Variants in CNTN4 observed in about 807,000 individuals in gnomAD.
CNTN4 encodes contactin 4.
CNTN4 carries 77 observed loss-of-function variants against 122.5 expected under a neutral mutation model. The observed-to-expected ratio is 0.63, with a 90% confidence interval of 0.52 to 0.76. CNTN4 has a LOEUF of 0.76. Among genes scored for constraint, CNTN4 ranks in the 30% least tolerant of loss-of-function variants. The pLI is 0.00. For synonymous variants in CNTN4, 512 were observed against 447.0 expected, an observed-to-expected ratio of 1.15 and a Z score of -1.83; for missense variants, 1,256 against 1,259.1, an observed-to-expected ratio of 1.00 and a Z score of 0.04.
At chr3:2,708,222 A>G (rs1478299984) in intron 4 of CNTN4, among the ~76,000 whole-genome samples, 1 of 152,206 alleles carries the variant, frequency 6.6e-6, no homozygotes, top group Non-Finnish European at 1.5e-5. Context: ...GTTAAAATAT[A>G]TAATTCTGAG....
At chr3:2,467,391 T>A (rs1267449376) in intron 3 of CNTN4, among the ~76,000 whole-genome samples, 1 of 152,216 alleles carries the variant, frequency 6.6e-6, no homozygotes, top group African/African-American at 2.4e-5. Context: ...TTCCCAACTA[T>A]CTTCAACATA....
chr3:2,378,706 A>C (rs2045911233), intron 3 of CNTN4, among the ~76,000 whole-genome samples: 1 of 151,976 alleles, frequency 6.6e-6, no homozygotes, highest in Admixed American at 6.5e-5. Flanking sequence ...ACTAAAACAC[A>C]TAGGAAACTT....
intron 3 of CNTN4, among the ~76,000 whole-genome samples, chr3:2,525,807 G>A (rs183704919): frequency 6.6e-6 from 1 of 152,218 alleles, no homozygotes; most frequent in East Asian, 1.9e-4. Flanking sequence ...GGAAATGGTT[G>A]ATTAAATATT....
At chr3:2,418,685 A>C (rs1194375805) in intron 3 of CNTN4, among the ~76,000 whole-genome samples, 1 of 152,208 alleles carries the variant, frequency 6.6e-6, no homozygotes, top group African/African-American at 2.4e-5. Context: ...TAGGAAAGGA[A>C]ATATTTCAGC....
At chr3:2,533,818 G>A (rs113315031) in intron 3 of CNTN4, among the ~76,000 whole-genome samples, 167 of 152,258 alleles carry the variant, frequency 1.1e-3, no homozygotes, top group African/African-American at 3.7e-3. Flanking sequence ...GGTGTGAGAT[G>A]GTGTCTCATT....
At chr3:2,647,209 C>T (rs1490570551) in intron 4 of CNTN4, among the ~76,000 whole-genome samples, 7 of 151,924 alleles carry the variant, frequency 4.6e-5, no homozygotes, top group African/African-American at 9.7e-5. Context: ...GGTGAGACCC[C>T]GTCCCTACTA....
At chr3:2,296,802 AAC>A (rs532715745) in intron 2 of CNTN4, among the ~76,000 whole-genome samples, 29,958 of 110,082 alleles carry the variant, frequency 0.27, 3,426 homozygotes, top group East Asian at 0.57. Context: ...AAAAAAAAAC[AAC>A]AAAAAACTAT....
intron 3 of CNTN4, among the ~76,000 whole-genome samples, chr3:2,393,347 T>A (rs2046516477): frequency 6.6e-6 from 1 of 152,202 alleles, no homozygotes; most frequent in African/African-American, 2.4e-5. Context: ...ATTTAGGATT[T>A]CATCATTTGA....
At chr3:2,949,782 C>CT (rs987237857) in intron 13 of CNTN4, among the ~76,000 whole-genome samples, 3 of 152,136 alleles carry the variant, frequency 2.0e-5, no homozygotes, top group Admixed American at 6.5e-5. Flanking sequence ...TTTAACTTTG[C>CT]TTTTTTGAAA....
chr3:2,919,506 A>T lies in CNTN4; in HGVS notation c.1208-6123A>T, dbSNP rs567065701. Among the ~76,000 whole-genome samples, 13 of 152,302 alleles carry T rather than the reference A, an allele frequency of 8.5e-5. 1 individual carries two copies. In the South Asian group the frequency reaches 2.7e-3, roughly 32 times the overall value. On this transcript the variant is annotated intron_variant, in intron 12 of 24. Coordinates refer to ENST00000418658, the MANE Select transcript of CNTN4 (RefSeq NM_175607.3). ...TCCAGGATACATATTCTTGCCTTCAAGGAACTGATGTTCTAATAATAGCTA... is the reference window on the plus strand; with the variant it reads ...TCCAGGATACATATTCTTGCCTTCATGGAACTGATGTTCTAATAATAGCTA...
chr3:2,810,923 G>C (rs369566793), intron 6 of CNTN4, among the ~76,000 whole-genome samples: 7 of 152,038 alleles, frequency 4.6e-5, no homozygotes, highest in African/African-American at 1.7e-4. Context: ...ATCAGCACCT[G>C]GGACAGCTCT....
chr3:2,711,485 T>C (rs1160655251), intron 4 of CNTN4, among the ~76,000 whole-genome samples: 5 of 152,172 alleles, frequency 3.3e-5, no homozygotes, highest in Non-Finnish European at 7.3e-5. Flanking sequence ...ACTTTAGATA[T>C]GATATATTCC....
intron 3 of CNTN4, among the ~76,000 whole-genome samples, chr3:2,444,340 G>GTA (rs1287698439): frequency 3.9e-5 from 6 of 152,096 alleles, no homozygotes; most frequent in African/African-American, 1.4e-4. Context: ...GCGACATTAG[G>GTA]TATGCTGTTC....
Position 2,620,159 on chromosome 3 carries a change from C to CT in CNTN4, c.55+48604dup, listed in dbSNP as rs1211790589. 2.6e-5 allele frequency among the ~76,000 whole-genome samples: 4 copies of CT among 152,172 alleles called. No individual in the cohort carries two copies. The East Asian group carries it at 7.7e-4, about 29-fold the overall frequency. ...GAAATCATATTTTACTTCTCACTTA[C>CT]TTTAGCTCAGTTACTTTGGTGATGC... On this transcript the variant is annotated intron_variant, in intron 4 of 24. Coordinates refer to ENST00000418658, the MANE Select transcript of CNTN4 (RefSeq NM_175607.3).
intron 2 of CNTN4, among the ~76,000 whole-genome samples, chr3:2,132,798 A>G (rs2034513777): frequency 6.6e-6 from 1 of 152,142 alleles, no homozygotes; most frequent in South Asian, 2.1e-4. Flanking sequence ...ATGGATCCTC[A>G]TTGTGGATGA....
At chr3:2,796,276 G>A (rs184447989) in intron 6 of CNTN4, among the ~76,000 whole-genome samples, 23 of 152,210 alleles carry the variant, frequency 1.5e-4, no homozygotes, top group Middle Eastern at 3.4e-3. Flanking sequence ...ATTAGTGGGA[G>A]ATGTTTCTTA....
At chr3:2,676,209 C>T (rs1367750136) in intron 4 of CNTN4, among the ~76,000 whole-genome samples, 1 of 151,942 alleles carries the variant, frequency 6.6e-6, no homozygotes, top group Non-Finnish European at 1.5e-5. Flanking sequence ...GAAGATGTAA[C>T]CGACTGAGTG....
chr3:2,267,169 G>C (rs1195478462), intron 2 of CNTN4, among the ~76,000 whole-genome samples: 2 of 152,032 alleles, frequency 1.3e-5, no homozygotes, highest in African/African-American at 2.4e-5. Context: ...CGATTGTGGT[G>C]TGTAGAAATT....
At chr3:2,546,110 G>A (rs985971084) in intron 3 of CNTN4, among the ~76,000 whole-genome samples, 2 of 152,088 alleles carry the variant, frequency 1.3e-5, no homozygotes, top group Non-Finnish European at 2.9e-5. Flanking sequence ...GCAATGTGGT[G>A]ATTTGTCAAA....
Sources: allele counts gnomAD v4.1 joint callset (sites outside exome capture counted in the v4.1 genomes callset), GRCh38; gene constraint gnomAD v4.1.1; transcripts MANE v1.5; gene names NCBI Gene and HGNC (gene_info 2026-07-23, HGNC 2026-07-21).